Variants in AFAP1L1 observed in about 807,000 individuals in gnomAD.
AFAP1L1 encodes actin filament-associated protein 1-like 1.
AFAP1L1 carries 77 observed loss-of-function variants against 99.8 expected under a neutral mutation model. That is an observed-to-expected ratio of 0.77 (90% CI 0.64 to 0.93). The LOEUF (loss-of-function observed/expected upper bound fraction) is 0.93, where lower values mean the gene tolerates loss of function less well. AFAP1L1 is among the 40% of genes least tolerant of loss of function. The probability of loss-of-function intolerance (pLI) is 0.00; values close to 1 mark genes in which losing one functional copy is unlikely to be tolerated. For missense variants in AFAP1L1, 893 were observed against 996.8 expected (o/e 0.90, Z 1.40); for synonymous variants, 373 against 395.3 (o/e 0.94, Z 0.67).
chr5:149,307,821 TC>T (rs1756476547), intron 7 of AFAP1L1, among the ~76,000 whole-genome samples: 1 of 109,836 alleles, frequency 9.1e-6, no homozygotes, highest in Non-Finnish European at 2.0e-5. Flanking sequence ...CCTCTCTTTC[TC>T]TCTCTCTCTC....
chr5:149,282,921 C>T (rs1755565803), intron 1 of AFAP1L1, among the ~76,000 whole-genome samples: 1 of 152,138 alleles, frequency 6.6e-6, no homozygotes, highest in Admixed American at 6.5e-5. Context: ...TACTTTTGGC[C>T]TCAGAAACCT....
In AFAP1L1 at chr5:149,341,498, A is replaced by G. The variant is rs1757559727; in HGVS notation, c.*1468A>G. The G allele has an allele frequency of 6.6e-6, 1 of 152,222 alleles. No homozygotes were observed. The highest frequency in any genetic ancestry group is 1.5e-5 in the Non-Finnish European group (1 of 68,042). 9.4% of individuals were successfully genotyped at this position (152,222 alleles called of 1,614,324 possible). A position where few individuals can be genotyped will look rare whatever the true frequency, so the allele number is the denominator to read the frequency against. The stretch of plus-strand genomic sequence containing the variant: ...CCTTATCTGTGAAATGGGACTAACA[A>G]TTGTTACTTTTCTCCCAAGATTGTT... On this transcript the variant is annotated 3_prime_UTR_variant, in exon 19 of 19. Coordinates refer to ENST00000296721, the MANE Select transcript of AFAP1L1 (RefSeq NM_152406.4).
intron 1 of AFAP1L1, among the ~76,000 whole-genome samples, chr5:149,291,877 G>A (rs957484156): frequency 7.2e-5 from 11 of 152,162 alleles, no homozygotes; most frequent in African/African-American, 2.4e-5. Context: ...AAGAAAAATT[G>A]TAGGCCCTTC....
intron 10 of AFAP1L1, 80 bp from the exon 11 acceptor site, chr5:149,316,071 G>T: frequency 6.3e-7 from 1 of 1,588,250 alleles, no homozygotes; most frequent in Non-Finnish European, 8.6e-7. Context: ...CCTGTATGCA[G>T]GCTGAAAAGG....
At chr5:149,297,707 C>G (rs1026759834) in intron 1 of AFAP1L1, among the ~76,000 whole-genome samples, 1 of 152,184 alleles carries the variant, frequency 6.6e-6, no homozygotes, top group Non-Finnish European at 1.5e-5. Flanking sequence ...GTGTGGTCAT[C>G]TGTTCATTCC....
intron 1 of AFAP1L1, among the ~76,000 whole-genome samples, chr5:149,274,165 C>T (rs1453963931): frequency 1.3e-5 from 2 of 152,142 alleles, no homozygotes; most frequent in Non-Finnish European, 2.9e-5. Flanking sequence ...GGCCTCCCTA[C>T]CCAGAAGTAA....
In AFAP1L1 at chr5:149,320,597, CTTATCA is replaced by C; in HGVS notation, c.1698+136_1698+141del. The C allele has an allele frequency of 6.3e-6, 5 of 797,380 alleles. No individual in the cohort carries two copies. The highest frequency in any genetic ancestry group is 1.0e-5 in the Non-Finnish European group (5 of 496,664). 49.4% of individuals were successfully genotyped at this position (797,380 alleles called of 1,614,324 possible). A position where few individuals can be genotyped will look rare whatever the true frequency, so the allele number is the denominator to read the frequency against. ...GCAGTAGCTAGAAGGGGAGCCCCTT[CTTATCA>C]TAGAGCATGGCTCAGGATGAGGAAT... On this transcript the variant is annotated intron_variant, in intron 14 of 18. Coordinates refer to ENST00000296721, the MANE Select transcript of AFAP1L1 (RefSeq NM_152406.4). The surrounding 1 kb of genome is among the most constrained non-coding windows in gnomAD (Gnocchi z 4.0).
chr5:149,280,188 C>T (rs765187594), intron 1 of AFAP1L1, among the ~76,000 whole-genome samples: 7 of 152,210 alleles, frequency 4.6e-5, no homozygotes, highest in South Asian at 2.1e-4. Context: ...TAGACTTCAT[C>T]ATTATCCATC....
intron 16 of AFAP1L1, among the ~76,000 whole-genome samples, chr5:149,330,513 A>C (rs985384821): frequency 3.3e-5 from 5 of 152,230 alleles, no homozygotes; most frequent in African/African-American, 1.2e-4. Context: ...TGCTGCAAAA[A>C]AAAGTTCAGG....
chr5:149,308,853 G>T (rs908892302), intron 7 of AFAP1L1, among the ~76,000 whole-genome samples: 1 of 151,952 alleles, frequency 6.6e-6, no homozygotes, highest in South Asian at 2.1e-4. Context: ...CCAGCACTTT[G>T]GGAGGCTGAG....
chr5:149,314,214 C>A (rs748593124), intron 9 of AFAP1L1, among the ~76,000 whole-genome samples: 1 of 152,188 alleles, frequency 6.6e-6, no homozygotes, highest in Non-Finnish European at 1.5e-5. Flanking sequence ...GAAGCTCAAC[C>A]CTATCCTCAC....
chr5:149,303,487 A>G (rs1347476556), intron 5 of AFAP1L1, among the ~76,000 whole-genome samples: 1 of 152,252 alleles, frequency 6.6e-6, no homozygotes, highest in African/African-American at 2.4e-5. Flanking sequence ...TTGAATTTGT[A>G]TAAGATAATG....
chr5:149,310,197 C>G (rs1581321509), intron 8 of AFAP1L1, 62 bp downstream of exon 8: 1 of 1,486,916 alleles, frequency 6.7e-7, no homozygotes. Context: ...CAAGCCAGCC[C>G]TCAGTAGAGC....
chr5:149,302,463 G>A lies in AFAP1L1; in HGVS notation c.373G>A (p.Asp125Asn), dbSNP rs756491742. ...PPLPNKPPPE[D>N]YYEEALPLGP... The stretch of plus-strand genomic sequence containing the variant: ...GCTCCCCAACAAGCCTCCCCCTGAG[G>A]ACTACTATGAAGAGGCCCTTCCTCT... The change falls in exon 5 of 19, where the codon GAC (aspartate) becomes AAC (asparagine). Residue 125 changes from aspartate (D) to asparagine (N), a missense_variant. Asp to Asn is a conservative substitution (Grantham distance 23). Coordinates refer to ENST00000296721, the MANE Select transcript of AFAP1L1 (RefSeq NM_152406.4). 6 of 1,596,948 alleles carry A rather than the reference G, an allele frequency of 3.8e-6. No homozygotes were observed. The Admixed American group carries it at 1.0e-4, about 28-fold the overall frequency.
At chr5:149,337,892 GAGCAGA>G (rs1757449855) in intron 18 of AFAP1L1, among the ~76,000 whole-genome samples, 1 of 152,116 alleles carries the variant, frequency 6.6e-6, no homozygotes, top group Non-Finnish European at 1.5e-5. Flanking sequence ...AGAAGATCTA[GAGCAGA>G]AGCTTTCCAG....
intron 1 of AFAP1L1, among the ~76,000 whole-genome samples, chr5:149,297,038 G>A (rs749947811): frequency 5.9e-5 from 9 of 152,190 alleles, no homozygotes; most frequent in African/African-American, 1.2e-4. Context: ...CCCATGATAC[G>A]TGGGGATTCT....
rs1358683830 is a variant in AFAP1L1 at position 149,340,221 on chromosome 5, G to A, written c.*191G>A. 1 of 600,510 alleles carries A rather than the reference G, an allele frequency of 1.7e-6. No individual in the cohort carries two copies. The highest frequency in any genetic ancestry group is 2.8e-5 in the East Asian group (1 of 35,622). The allele number at this position is 600,510 out of a possible 1,614,324, so 37.2% of individuals were successfully genotyped here. A position where few individuals can be genotyped will look rare whatever the true frequency, so the allele number is the denominator to read the frequency against. On this transcript the variant is annotated 3_prime_UTR_variant, in exon 19 of 19. Transcript: ENST00000296721. ...GGAGGGAACAAGTAGAAGGGAAGAG[G>A]GAAATGGAGAGCATCCTTATGACTT...
rs1756790471 is a variant in AFAP1L1, at chr5:149,316,197, C to T, written c.1161C>T (p.Ser387=). 1 of 1,614,110 alleles carries T rather than the reference C, an allele frequency of 6.2e-7. No homozygotes were observed. Among genetic ancestry groups the T allele is most frequent in the Non-Finnish European group, 8.5e-7 (1 of 1,180,006 alleles). Residue 387 remains serine, a synonymous_variant, in exon 11 of 19, where the codon AGC becomes AGT. Coordinates refer to ENST00000296721, the MANE Select transcript of AFAP1L1 (RefSeq NM_152406.4). The part of the protein sequence containing the change: ...SSLAELKGSM[S]RAAGRKITRI... ...TGGCAGAACTGAAGGGCTCAATGAG[C>T]AGGGCTGCGGGCCGCAAGATCACCC...
chr5:149,288,932 G>A (rs1405651046), intron 1 of AFAP1L1, among the ~76,000 whole-genome samples: 1 of 152,158 alleles, frequency 6.6e-6, no homozygotes. Flanking sequence ...CCTGACTCCT[G>A]GGAAGAGTGG....
Sources: gnomAD v4.1 joint callset for allele counts (sites outside exome capture counted in the v4.1 genomes callset) on GRCh38, gnomAD v4.1.1 for gene constraint, Gnocchi (gnomAD v3.1) non-coding constraint, MANE v1.5 for transcripts, NCBI Gene and HGNC (gene_info 2026-07-23, HGNC 2026-07-21) for gene names.